Variants in FRMD3 observed in about 807,000 individuals in gnomAD.
The protein encoded by FRMD3 is FERM domain containing 3, also known as FERM domain-containing protein 3.
A neutral mutation model predicts 70.2 loss-of-function variants in FRMD3; 33 were observed. That is an observed-to-expected ratio of 0.47 (90% CI 0.36 to 0.63). FRMD3 has a LOEUF of 0.63. Ranked by LOEUF, FRMD3 falls within the 20% of genes least tolerant of loss-of-function variation. The probability of loss-of-function intolerance (pLI) is 0.00; values close to 1 mark genes in which losing one functional copy is unlikely to be tolerated. For synonymous variants in FRMD3, 279 were observed against 255.9 expected (o/e 1.09, Z -0.86); for missense variants, 632 against 711.4 (o/e 0.89, Z 1.27).
At chr9:83,321,403 G>A (rs4877754) in intron 6 of FRMD3, among the ~76,000 whole-genome samples, 80,457 of 151,878 alleles carry the variant, frequency 0.53, 21,514 homozygotes, top group East Asian at 0.66. Context: ...ATTTCAAAAA[G>A]TTTTTAAATT....
At chr9:83,264,439 C>T (rs1833137439) in intron 13 of FRMD3, among the ~76,000 whole-genome samples, 1 of 152,028 alleles carries the variant, frequency 6.6e-6, no homozygotes, top group Non-Finnish European at 1.5e-5. Flanking sequence ...CAAGGTGAAC[C>T]CTAACGCAAA....
intron 4 of FRMD3, among the ~76,000 whole-genome samples, chr9:83,343,564 A>T (rs1160339513): frequency 6.6e-6 from 1 of 152,174 alleles, no homozygotes; most frequent in Non-Finnish European, 1.5e-5. Context: ...GAGGAAAGCC[A>T]CAGGACCCAG....
chr9:83,470,487 G>C (rs1182708707), intron 1 of FRMD3, among the ~76,000 whole-genome samples: 1 of 152,228 alleles, frequency 6.6e-6, no homozygotes, highest in Non-Finnish European at 1.5e-5. Flanking sequence ...GTGGCACACA[G>C]GGCAGGGGGC....
chr9:83,256,339 C>A (rs961320104), intron 13 of FRMD3, among the ~76,000 whole-genome samples: 1 of 151,956 alleles, frequency 6.6e-6, no homozygotes, highest in Non-Finnish European at 1.5e-5. Context: ...TGGAATGGAC[C>A]CCTTCCTTAC....
upstream of FRMD3, among the ~76,000 whole-genome samples, chr9:83,538,893 C>T (rs1183306763): frequency 6.6e-6 from 1 of 152,178 alleles, no homozygotes; most frequent in Non-Finnish European, 1.5e-5. The surrounding 1 kb of genome is among the most constrained non-coding windows in gnomAD (Gnocchi z 4.7). Flanking sequence ...GGGCGAGTGA[C>T]AGAGAGAGTG....
At chr9:83,496,280 A>G (rs929836903) in intron 1 of FRMD3, among the ~76,000 whole-genome samples, 4 of 152,234 alleles carry the variant, frequency 2.6e-5, no homozygotes, top group Non-Finnish European at 2.9e-5. Flanking sequence ...AAAAATTGTG[A>G]AAATGGAAGA....
intron 1 of FRMD3, among the ~76,000 whole-genome samples, chr9:83,467,374 A>G (rs1393490113): frequency 1.3e-5 from 2 of 152,170 alleles, no homozygotes; most frequent in African/African-American, 2.4e-5. Flanking sequence ...ATGTTCCTCT[A>G]AGGGGAAAGA....
chr9:83,407,867 C>CATCTT (rs1554700549), intron 1 of FRMD3, among the ~76,000 whole-genome samples: 15 of 121,674 alleles, frequency 1.2e-4, no homozygotes, highest in Non-Finnish European at 1.1e-4. Flanking sequence ...CTCTCTCTCT[C>CATCTT]TCTCTCATCT....
intron 1 of FRMD3, among the ~76,000 whole-genome samples, chr9:83,502,863 A>T (rs942751221): frequency 3.5e-4 from 53 of 152,302 alleles, no homozygotes; most frequent in African/African-American, 1.1e-3. Flanking sequence ...TCTGATGGTT[A>T]TGCTGGGTTC....
At position 83,536,930 on chromosome 9, in the gene FRMD3, T is replaced by TAAA. The variant is rs142272516; in HGVS notation, c.147+1152_147+1154dup. Among the ~76,000 whole-genome samples the TAAA allele has an allele frequency of 4.3e-4, 26 of 60,882 alleles. 2 individuals are homozygous for TAAA. The highest frequency in any genetic ancestry group is 1.0e-3 in the East Asian group (2 of 1,942). The allele number at this position is 60,882 out of a possible 152,430, so 39.9% of individuals were successfully genotyped here. A position where few individuals can be genotyped will look rare whatever the true frequency, so the allele number is the denominator to read the frequency against. On this transcript the variant is annotated intron_variant, in intron 1 of 13. Coordinates refer to ENST00000304195, the MANE Select transcript of FRMD3 (RefSeq NM_174938.6). ...ATGGGTGGTGTGCCCTGTATTACAC[T>TAAA]AAAAAAAAAAAAAAAAAAAAAAAGC...
intron 10 of FRMD3, among the ~76,000 whole-genome samples, chr9:83,302,810 G>A (rs1208398292): frequency 6.6e-6 from 1 of 152,128 alleles, no homozygotes; most frequent in Non-Finnish European, 1.5e-5. Flanking sequence ...CCAGGGAAGA[G>A]TATTCTTCCC....
upstream of FRMD3, among the ~76,000 whole-genome samples, chr9:83,542,541 A>G (rs1305680297): frequency 6.6e-6 from 1 of 152,248 alleles, no homozygotes; most frequent in Non-Finnish European, 1.5e-5. Context: ...AAATTGATCT[A>G]TAGGTTAAGT....
intron 1 of FRMD3, among the ~76,000 whole-genome samples, chr9:83,397,051 G>T (rs899344908): frequency 6.6e-6 from 1 of 152,176 alleles, no homozygotes; most frequent in African/African-American, 2.4e-5. Context: ...TGACTGATGA[G>T]CCCAGGAGCA....
intron 1 of FRMD3, among the ~76,000 whole-genome samples, chr9:83,467,209 T>C (rs1423810182): frequency 6.6e-6 from 1 of 152,198 alleles, no homozygotes; most frequent in Middle Eastern, 3.2e-3. Flanking sequence ...ATGGCAGGTG[T>C]TATCCAAACC....
intron 3 of FRMD3, among the ~76,000 whole-genome samples, chr9:83,367,809 C>A (rs1338719875): frequency 6.6e-6 from 1 of 152,118 alleles, no homozygotes; most frequent in African/African-American, 2.4e-5. Context: ...AGGAAGAGAT[C>A]TATTTCATCT....
At chr9:83,286,643 C>G (rs1248193418) in intron 13 of FRMD3, among the ~76,000 whole-genome samples, 1 of 152,122 alleles carries the variant, frequency 6.6e-6, no homozygotes, top group Non-Finnish European at 1.5e-5. Context: ...TTAGACAACA[C>G]TTTTAACAGG....
chr9:83,446,992 T>C (rs1383049999), intron 1 of FRMD3, among the ~76,000 whole-genome samples: 1 of 50,740 alleles, frequency 2.0e-5, no homozygotes, highest in Non-Finnish European at 3.8e-5. Flanking sequence ...TCAGGGTTTT[T>C]GTTTTGTTTT....
intron 1 of FRMD3, among the ~76,000 whole-genome samples, chr9:83,434,667 A>T (rs1438191688): frequency 6.6e-6 from 1 of 152,140 alleles, no homozygotes; most frequent in Non-Finnish European, 1.5e-5. Flanking sequence ...CCAATGTCTT[A>T]AAGCCTTGGG....
At chr9:83,492,394 G>A (rs1828847283) in intron 1 of FRMD3, among the ~76,000 whole-genome samples, 1 of 152,178 alleles carries the variant, frequency 6.6e-6, no homozygotes, top group Admixed American at 6.5e-5. Flanking sequence ...TAAAAATGTG[G>A]CACGAGTTTG....
Sources: gnomAD v4.1 joint callset for allele counts (sites outside exome capture counted in the v4.1 genomes callset) on GRCh38, gnomAD v4.1.1 for gene constraint, Gnocchi (gnomAD v3.1) non-coding constraint, MANE v1.5 for transcripts, NCBI Gene and HGNC (gene_info 2026-07-23, HGNC 2026-07-21) for gene names.